SH3PXD2A: variants seen among roughly 807,000 people sequenced by gnomAD.
SH3PXD2A encodes the protein SH3 and PX domain-containing protein 2A.
SH3PXD2A carries 32 observed loss-of-function variants against 115.2 expected under a neutral mutation model. The observed-to-expected ratio is 0.28, with a 90% CI of 0.21 to 0.37. The LOEUF (loss-of-function observed/expected upper bound fraction) is 0.37, where lower values mean the gene tolerates loss of function less well. SH3PXD2A is among the 10% of genes least tolerant of loss of function. The pLI is 1.00. For missense variants in SH3PXD2A, 1,328 were observed against 1,498.7 expected (o/e 0.89, Z 1.88); for synonymous variants, 610 against 629.1 (o/e 0.97, Z 0.45).
intron 2 of SH3PXD2A, among the ~76,000 whole-genome samples, chr10:103,774,700 C>A (rs1451660601): frequency 6.6e-6 from 1 of 152,124 alleles, no homozygotes; most frequent in Non-Finnish European, 1.5e-5. Context: ...GGTTAATCAC[C>A]TCAAACTTAC....
At chr10:103,654,883 C>T (rs576927368) in intron 8 of SH3PXD2A, among the ~76,000 whole-genome samples, 1 of 152,020 alleles carries the variant, frequency 6.6e-6, no homozygotes, top group Admixed American at 6.5e-5. Flanking sequence ...AACACGAAGT[C>T]CATGTTCCTA....
chr10:103,629,291 T>C (rs949412048), intron 8 of SH3PXD2A, among the ~76,000 whole-genome samples: 2 of 152,142 alleles, frequency 1.3e-5, no homozygotes, highest in African/African-American at 2.4e-5. Flanking sequence ...AACCCACTAG[T>C]TGGGGACTGG....
intron 5 of SH3PXD2A, among the ~76,000 whole-genome samples, chr10:103,709,437 C>G (rs1315759572): frequency 6.6e-6 from 1 of 152,188 alleles, no homozygotes; most frequent in Admixed American, 6.5e-5. Flanking sequence ...ACCCTCCCAC[C>G]TTGCCTCTCA....
At chr10:103,720,434 G>A (rs139227269) in intron 5 of SH3PXD2A, among the ~76,000 whole-genome samples, 157 of 152,268 alleles carry the variant, frequency 1.0e-3, no homozygotes, top group Non-Finnish European at 1.9e-3. Flanking sequence ...AAGCCGAGGC[G>A]CTCAGGCCTG....
chr10:103,637,983 T>C (rs7910092), intron 8 of SH3PXD2A, among the ~76,000 whole-genome samples: 94,318 of 152,068 alleles, frequency 0.62, 29,896 homozygotes, highest in East Asian at 0.75. Flanking sequence ...AGTGAAAGGC[T>C]GCCCACCCTC....
In SH3PXD2A at chr10:103,603,161, G is replaced by C; in HGVS notation, c.2057C>G (p.Ser686Cys). ...GATGGATGAGGAAAAGGAGGCTGAG[G>C]AGTGGTTCTTCCCCATTTCTGCCTG... ...NAQAEMGKNH[S>C]SASFSSSITI... The change falls in exon 15 of 15, where the codon TCC (serine) becomes TGC (cysteine). Residue 686 changes from serine (S) to cysteine (C), a missense_variant. This residue lies in a region of SH3PXD2A where 574 missense variants were observed against 565.7 expected (regional missense o/e 1.01). Coordinates refer to ENST00000369774, the MANE Select transcript of SH3PXD2A (RefSeq NM_001394015.1). 1 of 1,613,882 alleles carries C rather than the reference G, an allele frequency of 6.2e-7. No homozygotes were observed. Among genetic ancestry groups the C allele is most frequent in the South Asian group, 1.1e-5 (1 of 91,072 alleles).
In SH3PXD2A at chr10:103,735,717, C is replaced by CCCCCATAA; in HGVS notation, c.306+14_306+15insTTATGGGG. The CCCCCATAA allele has an allele frequency of 6.3e-7, 1 of 1,595,328 alleles. No homozygotes were observed. Among genetic ancestry groups the CCCCCATAA allele is most frequent in the Non-Finnish European group, 8.6e-7 (1 of 1,163,792 alleles). ...CCTCCCCGAGCCCCTCCCCCAGCCCCAGATACACTCTCACCCGGCAGTATT... is the reference window on the plus strand; with the variant it reads ...CCTCCCCGAGCCCCTCCCCCAGCCCCCCCCATAAAGATACACTCTCACCCGGCAGTATT... On this transcript the variant is annotated intron_variant, in intron 4 of 14. Transcript: ENST00000369774.
chr10:103,710,525 A>G (rs1241077494), intron 5 of SH3PXD2A, among the ~76,000 whole-genome samples: 3 of 152,224 alleles, frequency 2.0e-5, no homozygotes, highest in African/African-American at 7.2e-5. Context: ...CTGGGGGAAC[A>G]TAAGGCCCAC....
At chr10:103,695,778 A>G (rs1164620660) in intron 5 of SH3PXD2A, among the ~76,000 whole-genome samples, 1 of 152,176 alleles carries the variant, frequency 6.6e-6, no homozygotes, top group Admixed American at 6.5e-5. Context: ...TATGCTCAGT[A>G]AGAACAACGT....
chr10:103,830,879 T>C (rs996573874), intron 1 of SH3PXD2A, among the ~76,000 whole-genome samples: 2 of 150,910 alleles, frequency 1.3e-5, no homozygotes, highest in African/African-American at 4.9e-5. Context: ...GGATTAGGGC[T>C]AAAAGAAAAA....
intron 3 of SH3PXD2A, among the ~76,000 whole-genome samples, chr10:103,743,460 G>T (rs2038465904): frequency 6.6e-6 from 1 of 151,724 alleles, no homozygotes; most frequent in Non-Finnish European, 1.5e-5. Context: ...ACTCTATCAT[G>T]GCTCACTTCA....
chr10:103,727,527 G>A (rs2038255545), intron 4 of SH3PXD2A, among the ~76,000 whole-genome samples: 1 of 152,150 alleles, frequency 6.6e-6, no homozygotes, highest in Admixed American at 6.5e-5. Flanking sequence ...ACCCTGAAAG[G>A]GAGAAGGAGG....
intron 6 of SH3PXD2A, among the ~76,000 whole-genome samples, chr10:103,679,045 T>A (rs1235097925): frequency 1.3e-5 from 2 of 152,158 alleles, no homozygotes; most frequent in Non-Finnish European, 2.9e-5. Flanking sequence ...TGAACAGATG[T>A]CCTCTGCACA....
intron 2 of SH3PXD2A, among the ~76,000 whole-genome samples, chr10:103,796,350 G>A (rs1175560686): frequency 2.0e-5 from 3 of 149,274 alleles, no homozygotes; most frequent in African/African-American, 7.4e-5. Context: ...GCGACACAGC[G>A]AGACCCTGTC....
In SH3PXD2A at chr10:103,603,127, G is replaced by A. The variant is rs772392706; in HGVS notation, c.2091C>T (p.Asn697=). 5 of 1,613,206 alleles carry A rather than the reference G, an allele frequency of 3.1e-6. No homozygotes were observed. Among genetic ancestry groups the A allele is most frequent in the Admixed American group, 3.3e-5 (2 of 60,014 alleles). The stretch of plus-strand genomic sequence containing the variant: ...AGGAAGAGGAGGAGCAGCAAGTGGT[G>A]TTGATGGTGATGGATGAGGAAAAGG... ...SASFSSSITI[N]TTCCSSSSSS... Residue 697 remains asparagine, a synonymous_variant, in exon 15 of 15, where the codon AAC becomes AAT. Coordinates refer to ENST00000369774, the MANE Select transcript of SH3PXD2A (RefSeq NM_001394015.1).
At chr10:103,691,842 C>A (rs1041151022) in intron 6 of SH3PXD2A, among the ~76,000 whole-genome samples, 4 of 152,124 alleles carry the variant, frequency 2.6e-5, no homozygotes, top group African/African-American at 9.7e-5. Context: ...AACCCCACAG[C>A]CACACACGCC....
At chr10:103,820,850 G>A (rs2039372655) in intron 1 of SH3PXD2A, among the ~76,000 whole-genome samples, 1 of 152,142 alleles carries the variant, frequency 6.6e-6, no homozygotes, top group Non-Finnish European at 1.5e-5. Flanking sequence ...CCTCTAAGTG[G>A]CATCTCCCCC....
chr10:103,774,586 C>A (rs1305241696), intron 2 of SH3PXD2A, among the ~76,000 whole-genome samples: 1 of 152,124 alleles, frequency 6.6e-6, no homozygotes, highest in Non-Finnish European at 1.5e-5. Context: ...AGTAATGTTT[C>A]ATTTTATACT....
chr10:103,694,801 C>T (rs1272135101), intron 5 of SH3PXD2A, among the ~76,000 whole-genome samples: 1 of 152,208 alleles, frequency 6.6e-6, no homozygotes. Context: ...TCTGGGAAAC[C>T]GTTGCCTTGG....
Sources: gnomAD v4.1 joint callset for allele counts (sites outside exome capture counted in the v4.1 genomes callset) on GRCh38, gnomAD v4.1.1 for gene constraint, gnomAD v4.1.1 regional missense constraint, MANE v1.5 for transcripts, NCBI Gene and HGNC (gene_info 2026-07-23, HGNC 2026-07-21) for gene names.